IMMP2L: variants seen among roughly 807,000 people sequenced by gnomAD.
IMMP2L encodes the protein mitochondrial inner membrane protease subunit 2.
IMMP2L carries 18 observed loss-of-function variants against 19.3 expected under a neutral mutation model. That is an observed-to-expected ratio of 0.93 (90% CI 0.64 to 1.38). The LOEUF (loss-of-function observed/expected upper bound fraction) is 1.38, where lower values mean the gene tolerates loss of function less well. IMMP2L is among the 40% of genes most tolerant of loss of function. The pLI is 0.00. For missense variants in IMMP2L, 233 were observed against 218.2 expected, an observed-to-expected ratio of 1.07 and a Z score of -0.43; for synonymous variants, 76 against 73.0, an observed-to-expected ratio of 1.04 and a Z score of -0.21.
At chr7:111,558,153 T>C (rs1257525927) in intron 1 of IMMP2L, among the ~76,000 whole-genome samples, 1 of 152,170 alleles carries the variant, frequency 6.6e-6, no homozygotes, top group African/African-American at 2.4e-5. Context: ...AAAAAGATGG[T>C]TCTTTCTAGG....
chr7:111,404,644 A>G (rs1175871224), intron 3 of IMMP2L, among the ~76,000 whole-genome samples: 4 of 152,148 alleles, frequency 2.6e-5, no homozygotes, highest in African/African-American at 9.6e-5. Context: ...AAAAAATTTA[A>G]ATTTGGAAAG....
intron 4 of IMMP2L, among the ~76,000 whole-genome samples, chr7:110,926,698 T>C (rs1192413549): frequency 6.6e-6 from 1 of 152,172 alleles, no homozygotes; most frequent in Middle Eastern, 3.2e-3. Flanking sequence ...ACTTGTAGAA[T>C]GATTTTTTTC....
intron 5 of IMMP2L, among the ~76,000 whole-genome samples, chr7:110,860,038 T>C (rs947182833): frequency 3.3e-5 from 5 of 152,102 alleles, no homozygotes; most frequent in African/African-American, 4.8e-5. Context: ...GTGTCATTGT[T>C]TAGTTTTGCT....
chr7:111,405,866 C>A (rs1479877958), intron 3 of IMMP2L, among the ~76,000 whole-genome samples: 4 of 152,128 alleles, frequency 2.6e-5, no homozygotes, highest in South Asian at 2.1e-4. Context: ...CGCAGCCACA[C>A]CCATTTTCTT....
intron 3 of IMMP2L, among the ~76,000 whole-genome samples, chr7:111,030,611 G>A (rs577021175): frequency 5.6e-4 from 85 of 152,118 alleles, no homozygotes; most frequent in African/African-American, 2.0e-3. Flanking sequence ...AGACTCCAGA[G>A]GTTCCTTTGT....
chr7:111,190,528 A>G, intron 3 of IMMP2L, among the ~76,000 whole-genome samples: 1 of 152,158 alleles, frequency 6.6e-6, no homozygotes, highest in East Asian at 1.9e-4. Context: ...GCACCAATAG[A>G]ACAATAGGAA....
chr7:110,886,123 G>A (rs891268483), intron 5 of IMMP2L, among the ~76,000 whole-genome samples: 2 of 151,970 alleles, frequency 1.3e-5, no homozygotes, highest in African/African-American at 2.4e-5. Context: ...CTCAGGCCCA[G>A]CTGGGACCCT....
rs1304019001 is a variant in IMMP2L at position 110,834,132 on chromosome 7, T to C, written c.408+52461A>G. On this transcript the variant is annotated intron_variant, in intron 5 of 5. Coordinates refer to ENST00000405709, the MANE Select transcript of IMMP2L (RefSeq NM_032549.4). ...TCTAAGTTTATTTAGAAGTCTCTAG[T>C]TTTTTATTGTAATTTATTTTTAAAG... is the stretch of plus-strand genomic sequence containing the variant. 3.9e-5 allele frequency among the ~76,000 whole-genome samples: 6 copies of C among 152,300 alleles called. 1 individual carries two copies. The highest frequency in any genetic ancestry group is 1.4e-4 in the African/African-American group (6 of 41,578).
intron 3 of IMMP2L, chr7:111,097,183 G>C (rs374700625): frequency 1.3e-5 from 2 of 151,766 alleles, no homozygotes; most frequent in South Asian, 2.1e-4. Context: ...TGAAGCTCCT[G>C]GGATCTAATT....
Position 111,264,695 on chromosome 7 carries a change from G to C in IMMP2L, c.239+222543C>G, listed in dbSNP as rs187786993. Among the ~76,000 whole-genome samples, 201 of 151,356 alleles carry C rather than the reference G, an allele frequency of 1.3e-3. 1 individual carries two copies. The highest frequency in any genetic ancestry group is 4.7e-3 in the African/African-American group (195 of 41,246). ...CCAGGGAAAATGCACGGCCAACTGG[G>C]AGGCTGCCCCACTACCTTAATGCCA... On this transcript the variant is annotated intron_variant, in intron 3 of 5. Coordinates refer to ENST00000405709, the MANE Select transcript of IMMP2L (RefSeq NM_032549.4).
chr7:110,751,715 C>T (rs1218311794), intron 5 of IMMP2L, among the ~76,000 whole-genome samples: 1 of 151,870 alleles, frequency 6.6e-6, no homozygotes, highest in Non-Finnish European at 1.5e-5. Flanking sequence ...GCCTAGATTG[C>T]ATTTTGTGAA....
chr7:110,818,256 C>T (rs1802713886), intron 5 of IMMP2L, among the ~76,000 whole-genome samples: 1 of 152,028 alleles, frequency 6.6e-6, no homozygotes, highest in African/African-American at 2.4e-5. Context: ...TGAACTCAAA[C>T]AAATTTACAA....
intron 3 of IMMP2L, among the ~76,000 whole-genome samples, chr7:111,297,541 C>G (rs150271415): frequency 6.6e-6 from 1 of 152,176 alleles, no homozygotes; most frequent in East Asian, 1.9e-4. Context: ...TATCACAAGA[C>G]TCAGGAATTC....
chr7:111,437,335 C>T (rs1335210487), intron 3 of IMMP2L, among the ~76,000 whole-genome samples: 1 of 151,672 alleles, frequency 6.6e-6, no homozygotes, highest in Non-Finnish European at 1.5e-5. Flanking sequence ...ATCCCAGCTA[C>T]TCAGGAGGCT....
intron 4 of IMMP2L, among the ~76,000 whole-genome samples, chr7:110,917,669 G>A (rs577037009): frequency 2.0e-5 from 3 of 152,272 alleles, no homozygotes; most frequent in Non-Finnish European, 2.9e-5. Flanking sequence ...TCCCTGGAAC[G>A]AAGGCAAAGA....
chr7:111,098,357 CTCAA>C (rs913063977), intron 3 of IMMP2L, among the ~76,000 whole-genome samples: 9 of 151,726 alleles, frequency 5.9e-5, no homozygotes, highest in African/African-American at 1.9e-4. Context: ...AAACCATTTC[CTCAA>C]TCAATTACTT....
chr7:110,713,567 G>T (rs1196172448), intron 5 of IMMP2L, among the ~76,000 whole-genome samples: 1 of 151,426 alleles, frequency 6.6e-6, no homozygotes, highest in Non-Finnish European at 1.5e-5. Flanking sequence ...CCATTTGTTT[G>T]TGTCATCTCT....
intron 3 of IMMP2L, among the ~76,000 whole-genome samples, chr7:111,410,358 A>G (rs1458626359): frequency 6.6e-6 from 1 of 151,744 alleles, no homozygotes; most frequent in Non-Finnish European, 1.5e-5. Context: ...AATGCCTACC[A>G]AAAAAGTGGA....
chr7:110,994,380 C>T (rs1486742121), intron 3 of IMMP2L, among the ~76,000 whole-genome samples: 1 of 152,104 alleles, frequency 6.6e-6, no homozygotes, highest in Non-Finnish European at 1.5e-5. Flanking sequence ...AAAAAATTAG[C>T]CCCCAGCTAA....
Sources: gnomAD v4.1 joint callset for allele counts (sites outside exome capture counted in the v4.1 genomes callset) on GRCh38, gnomAD v4.1.1 for gene constraint, MANE v1.5 for transcripts, NCBI Gene and HGNC (gene_info 2026-07-23, HGNC 2026-07-21) for gene names.